WDR4: variants seen among roughly 807,000 people sequenced by gnomAD.
WDR4 encodes the protein tRNA (guanine-N(7)-)-methyltransferase non-catalytic subunit WDR4.
A neutral mutation model predicts 48.6 loss-of-function variants in WDR4; 47 were observed. The ratio of observed to expected loss-of-function variants is 0.97; its 90% confidence interval spans 0.77 to 1.23. WDR4 has a LOEUF of 1.23. WDR4 is among the 50% of genes most tolerant of loss of function. WDR4 has a pLI of 0.00. For missense variants in WDR4, 606 were observed against 551.6 expected (o/e 1.10, Z -0.99); for synonymous variants, 268 against 230.0 (o/e 1.17, Z -1.49).
chr21:42,883,934 A>T (rs73233319), upstream of WDR4: 5,321 of 152,394 alleles, frequency 0.035, 129 homozygotes, highest in South Asian at 0.11. Flanking sequence ...AATAAATCTT[A>T]AACCCAGTAG....
chr21:42,873,493 C>A, intron 3 of WDR4, 58 bp downstream of exon 3: 1 of 1,600,530 alleles, frequency 6.2e-7, no homozygotes, highest in Non-Finnish European at 8.5e-7. Flanking sequence ...TTGCTACAGG[C>A]ATGCAAGGAT....
chr21:42,891,728 C>T, the WDR4 span, among the ~76,000 whole-genome samples: 8 of 151,860 alleles, frequency 5.3e-5, no homozygotes, highest in African/African-American at 7.3e-5. Context: ...GAGGCCGAGG[C>T]GGGCGATCAT....
intron 6 of WDR4, among the ~76,000 whole-genome samples, chr21:42,857,479 C>T (rs1258758986): frequency 1.3e-5 from 2 of 152,214 alleles, no homozygotes; most frequent in Non-Finnish European, 2.9e-5. Context: ...AGGCAGATGG[C>T]ATCGCCAGAC....
intron 5 of WDR4, among the ~76,000 whole-genome samples, chr21:42,861,889 C>T (rs1024624789): frequency 3.9e-5 from 6 of 152,226 alleles, no homozygotes; most frequent in Non-Finnish European, 5.9e-5. Context: ...CGCCACCTGG[C>T]TGCAGAGGCC....
chr21:42,858,285 C>A (rs886584881), intron 6 of WDR4, among the ~76,000 whole-genome samples: 4 of 152,182 alleles, frequency 2.6e-5, no homozygotes, highest in South Asian at 4.1e-4. Context: ...GCTTTCACAT[C>A]GCACACTGGA....
upstream of WDR4, chr21:42,879,797 G>A: frequency 2.4e-6 from 1 of 424,816 alleles, no homozygotes; most frequent in East Asian, 3.4e-5. Context: ...ACGGGGTAGG[G>A]CTGGTTCTGG....
At chr21:42,854,248 G>A (rs544170104) in intron 8 of WDR4, among the ~76,000 whole-genome samples, 14 of 152,332 alleles carry the variant, frequency 9.2e-5, no homozygotes, top group East Asian at 3.9e-4. Flanking sequence ...GACCAGCCCC[G>A]AGCCGGGAGT....
intron 6 of WDR4, among the ~76,000 whole-genome samples, chr21:42,857,715 G>C (rs1228406408): frequency 6.6e-6 from 1 of 152,128 alleles, no homozygotes. Context: ...CTCCACAGAA[G>C]GCTGGAAAGT....
rs543152140 is a variant in WDR4 at position 42,855,744 on chromosome 21, G to A, written c.664C>T (p.Arg222Cys). Reference protein sequence around the residue: ...TLRLWEYRSGRQLHCCHLASL... With the variant: ...TLRLWEYRSGCQLHCCHLASL... The stretch of plus-strand genomic sequence containing the variant: ...GCCAGGTGACAGCAGTGCAGCTGGC[G>A]GCCGCTCCTGTACTCCCAGAGCCTC... The change falls in exon 7 of 11, where the codon CGC becomes TGC. Residue 222 changes from arginine (R) to cysteine (C), a missense_variant. By Grantham distance (180) the Arg-to-Cys change is radical. Coordinates refer to ENST00000398208, the MANE Select transcript of WDR4 (RefSeq NM_018669.6). 1.9e-5 allele frequency: 30 copies of A among 1,553,386 alleles called. No individual in the cohort carries two copies. Among genetic ancestry groups the A allele is most frequent in the East Asian group, 1.2e-4 (5 of 41,174 alleles).
At position 42,859,709 on chromosome 21, in the gene WDR4, TA is replaced by T; in HGVS notation, c.579del (p.Ile194SerfsTer20). On this transcript the variant is annotated frameshift_variant, in exon 6 of 11. Coordinates refer to ENST00000398208, the MANE Select transcript of WDR4 (RefSeq NM_018669.6). LOFTEE classifies it high-confidence loss of function. ...FCLGHTEFVS[R>X]ISVVPTQPGL... ...CCGGGCTGAGTTGGCACCACGGAGA[TA>T]CGGCTCACAAACCTGTGAGGGCGAG... The T allele has an allele frequency of 6.4e-7, 1 of 1,560,302 alleles. No individual in the cohort carries two copies. The highest frequency in any genetic ancestry group is 8.7e-7 in the Non-Finnish European group (1 of 1,152,634).
At chr21:42,860,690 G>A (rs1431530044) in intron 5 of WDR4, among the ~76,000 whole-genome samples, 2 of 152,256 alleles carry the variant, frequency 1.3e-5, no homozygotes, top group African/African-American at 2.4e-5. Flanking sequence ...CAGAGGGCAC[G>A]AGTGGCCTCA....
chr21:42,852,840 G>A (rs1008167859), intron 9 of WDR4, among the ~76,000 whole-genome samples: 26 of 151,940 alleles, frequency 1.7e-4, no homozygotes, highest in African/African-American at 5.8e-4. Context: ...ACTTGAACCC[G>A]GGAGGCGGAG....
intron 10 of WDR4, 36 bp from the exon 11 acceptor site, chr21:42,850,278 G>A (rs1262611085): frequency 6.4e-7 from 1 of 1,553,430 alleles, no homozygotes. Flanking sequence ...GCCAGGTGGG[G>A]CAGGAACATG....
chr21:42,852,172 G>T, intron 10 of WDR4, 83 bp downstream of exon 10: 2 of 1,406,930 alleles, frequency 1.4e-6, no homozygotes, highest in Non-Finnish European at 1.0e-6. Flanking sequence ...GGTACCCCGG[G>T]CAGGTCACAG....
At chr21:42,870,995 C>T (rs948244514) in intron 3 of WDR4, among the ~76,000 whole-genome samples, 28 of 152,154 alleles carry the variant, frequency 1.8e-4, no homozygotes, top group Non-Finnish European at 2.9e-4. Flanking sequence ...TACCTAGGAC[C>T]TCAGAATGTA....
rs112985520 is a variant in WDR4, at chr21:42,868,626, A to G, written c.296+4925T>C. On this transcript the variant is annotated intron_variant, in intron 3 of 10. Transcript: ENST00000398208. The stretch of plus-strand genomic sequence containing the variant: ...AAGAATTAACCTTGCCTTTGGCCTC[A>G]TCTCCAAGAGTAGGGGCCTTGGGCC... 2.7e-3 allele frequency among the ~76,000 whole-genome samples: 407 copies of G among 152,352 alleles called. 4 individuals are homozygous for G. Among genetic ancestry groups the G allele is most frequent in the African/African-American group, 9.1e-3 (380 of 41,580 alleles).
chr21:42,854,744 G>A, intron 7 of WDR4, 118 bp from the exon 8 acceptor site: 2 of 866,392 alleles, frequency 2.3e-6, no homozygotes, highest in Non-Finnish European at 3.5e-6. Flanking sequence ...CAAGGAAGAG[G>A]AAACAGCACT....
At position 42,861,900 on chromosome 21, in the gene WDR4, G is replaced by A. The variant is rs535317901; in HGVS notation, c.566+382C>T. On this transcript the variant is annotated intron_variant, in intron 5 of 10. Coordinates refer to ENST00000398208, the MANE Select transcript of WDR4 (RefSeq NM_018669.6). ...ACGCCGCCACCTGGCTGCAGAGGCCGCTTAATTCTTGGACAGCTGAAATCA... is the reference window on the plus strand; with the variant it reads ...ACGCCGCCACCTGGCTGCAGAGGCCACTTAATTCTTGGACAGCTGAAATCA... Among the ~76,000 whole-genome samples, 67 of 152,274 alleles carry A rather than the reference G, an allele frequency of 4.4e-4. 1 individual carries two copies. In the South Asian group the frequency reaches 0.012, roughly 26 times the overall value.
upstream of WDR4, among the ~76,000 whole-genome samples, chr21:42,880,868 G>T (rs2839596): frequency 6.6e-6 from 1 of 151,580 alleles, no homozygotes; most frequent in Non-Finnish European, 1.5e-5. Flanking sequence ...TCCCTTAAAA[G>T]CTTTATGGGC....
Sources: gnomAD v4.1 joint callset for allele counts (sites outside exome capture counted in the v4.1 genomes callset) on GRCh38, gnomAD v4.1.1 for gene constraint, MANE v1.5 for transcripts, NCBI Gene and HGNC (gene_info 2026-07-23, HGNC 2026-07-21) for gene names.